The following ASAP1 variants were observed in gnomAD, a reference collection of about 807,000 sequenced individuals.
ASAP1 encodes the protein arf-GAP with SH3 domain, ANK repeat and PH domain-containing protein 1.
Under a neutral mutation model 145.2 loss-of-function variants are expected in ASAP1, and 43 were observed. That is an observed-to-expected ratio of 0.30 (90% CI 0.23 to 0.38). ASAP1 has a LOEUF of 0.38. Among genes scored for constraint, ASAP1 ranks in the 10% least tolerant of loss-of-function variants. The pLI is 1.00. For missense variants in ASAP1, 1,018 were observed against 1,355.3 expected, an observed-to-expected ratio of 0.75 and a Z score of 3.91; for synonymous variants, 546 against 515.5, an observed-to-expected ratio of 1.06 and a Z score of -0.80.
At chr8:130,209,121 C>G (rs1268790448) in intron 5 of ASAP1, among the ~76,000 whole-genome samples, 1 of 152,128 alleles carries the variant, frequency 6.6e-6, no homozygotes, top group Non-Finnish European at 1.5e-5. Context: ...CCTATTAATA[C>G]TATAATAATC....
At chr8:130,117,541 T>C (rs1191408340) in intron 20 of ASAP1, among the ~76,000 whole-genome samples, 2 of 152,226 alleles carry the variant, frequency 1.3e-5, no homozygotes, top group Non-Finnish European at 2.9e-5. Context: ...AGATGAGCTC[T>C]AGTTCCTCCT....
chr8:130,145,072 C>A (rs76325249), intron 13 of ASAP1, among the ~76,000 whole-genome samples: 15,599 of 152,142 alleles, frequency 0.1, 929 homozygotes, highest in South Asian at 0.27. Flanking sequence ...TTACTGCACC[C>A]AATGAATGTG....
At chr8:130,232,047 T>G (rs1178494336) in intron 4 of ASAP1, among the ~76,000 whole-genome samples, 2 of 152,194 alleles carry the variant, frequency 1.3e-5, no homozygotes, top group African/African-American at 2.4e-5. Flanking sequence ...TAGTTCTCCA[T>G]AGGACTGCTT....
At chr8:130,324,900 G>A (rs559611619) in intron 3 of ASAP1, among the ~76,000 whole-genome samples, 1 of 152,290 alleles carries the variant, frequency 6.6e-6, no homozygotes, top group Admixed American at 6.5e-5. Context: ...CAAGAAGCAG[G>A]AGAGGCTCTA....
chr8:130,118,430 CA>C, intron 19 of ASAP1, 58 bp downstream of exon 19: 1 of 1,520,140 alleles, frequency 6.6e-7, no homozygotes, highest in South Asian at 1.2e-5. Context: ...TAAAATAAGT[CA>C]CCTTTTAAAC....
intron 3 of ASAP1, among the ~76,000 whole-genome samples, chr8:130,272,498 G>C (rs1820646981): frequency 6.6e-6 from 1 of 152,056 alleles, no homozygotes; most frequent in Non-Finnish European, 1.5e-5. Context: ...CCCACTACTG[G>C]GTATTTCTCC....
At chr8:130,396,669 C>T (rs987929783) in intron 2 of ASAP1, among the ~76,000 whole-genome samples, 3 of 152,220 alleles carry the variant, frequency 2.0e-5, no homozygotes, top group African/African-American at 7.2e-5. Flanking sequence ...CTGCATTCAG[C>T]TCCAGGGACA....
At chr8:130,393,600 A>G (rs1211627385) in intron 2 of ASAP1, among the ~76,000 whole-genome samples, 1 of 152,178 alleles carries the variant, frequency 6.6e-6, no homozygotes, top group African/African-American at 2.4e-5. Flanking sequence ...CACTAAAAAT[A>G]CAAAAATTAG....
intron 15 of ASAP1, among the ~76,000 whole-genome samples, chr8:130,132,089 G>A (rs1306151233): frequency 2.0e-5 from 3 of 152,176 alleles, no homozygotes; most frequent in Non-Finnish European, 4.4e-5. Flanking sequence ...ATCGGAGAAG[G>A]AGAAACAATA....
At chr8:130,195,429 C>T (rs1413881705) in intron 5 of ASAP1, 1 of 150,720 alleles carries the variant, frequency 6.6e-6, no homozygotes, top group Non-Finnish European at 1.5e-5. Context: ...TGGCGCACGC[C>T]TGTAGTTTCA....
intron 3 of ASAP1, among the ~76,000 whole-genome samples, chr8:130,243,261 C>G (rs987088458): frequency 6.6e-6 from 1 of 152,132 alleles, no homozygotes; most frequent in Admixed American, 6.6e-5. Context: ...TTTATCCATA[C>G]TTCTCACATC....
intron 13 of ASAP1, among the ~76,000 whole-genome samples, chr8:130,150,821 A>G (rs963621685): frequency 6.6e-6 from 1 of 152,180 alleles, no homozygotes; most frequent in Non-Finnish European, 1.5e-5. Flanking sequence ...CAGAGGTTGC[A>G]GTAAGCCGAG....
intron 3 of ASAP1, among the ~76,000 whole-genome samples, chr8:130,321,965 C>T (rs912291976): frequency 6.6e-6 from 1 of 152,208 alleles, no homozygotes; most frequent in Admixed American, 6.5e-5. Flanking sequence ...GATGCTAAAT[C>T]TCAATCTGAC....
chr8:130,068,770 C>G (rs1029296555), intron 27 of ASAP1, among the ~76,000 whole-genome samples: 2 of 152,202 alleles, frequency 1.3e-5, no homozygotes, highest in African/African-American at 4.8e-5. Context: ...ACCCCAGATG[C>G]AGTAGCTGAT....
chr8:130,143,015 G>A (rs2097616241), intron 13 of ASAP1, among the ~76,000 whole-genome samples: 2 of 152,148 alleles, frequency 1.3e-5, no homozygotes, highest in Non-Finnish European at 2.9e-5. Flanking sequence ...GCTTAAGACA[G>A]CTAGAAAAGG....
chr8:130,237,747 C>T (rs183022113), intron 3 of ASAP1, among the ~76,000 whole-genome samples: 7 of 151,870 alleles, frequency 4.6e-5, no homozygotes, highest in Admixed American at 2.0e-4. Context: ...GCAAATTGTG[C>T]GTTTAGGCTA....
chr8:130,192,594 T>C (rs758635882), intron 5 of ASAP1, among the ~76,000 whole-genome samples: 6 of 152,108 alleles, frequency 3.9e-5, no homozygotes, highest in Non-Finnish European at 4.4e-5. Context: ...GTAAGTAAGG[T>C]TGGGGGGCCT....
chr8:130,262,857 G>T (rs936531224), intron 3 of ASAP1, among the ~76,000 whole-genome samples: 1 of 152,054 alleles, frequency 6.6e-6, no homozygotes, highest in Non-Finnish European at 1.5e-5. Context: ...TGAATGACGC[G>T]CTAATGAAAA....
rs61591724 is a variant in ASAP1 at position 130,097,126 on chromosome 8, CAAAAAAAAAAAAAA to C, written c.2402-4997_2402-4984del. 1.5e-3 allele frequency among the ~76,000 whole-genome samples: 82 copies of C among 53,590 alleles called. 1 individual carries two copies. Among genetic ancestry groups the C allele is most frequent in the Admixed American group, 3.3e-3 (10 of 3,028 alleles). The allele number at this position is 53,590 out of a possible 152,430, so 35.2% of individuals were successfully genotyped here. ...AGGAGACAGAGTGACAGTTAGTCTC[CAAAAAAAAAAAAAA>C]AAAAAAAAAAAAAAAAAAAAAGTCC... On this transcript the variant is annotated intron_variant, in intron 24 of 29. Transcript: ENST00000518721.
Sources: gnomAD v4.1 joint callset for allele counts (sites outside exome capture counted in the v4.1 genomes callset) on GRCh38, gnomAD v4.1.1 for gene constraint, MANE v1.5 for transcripts, NCBI Gene and HGNC (gene_info 2026-07-23, HGNC 2026-07-21) for gene names.